SHMT1: variants seen among roughly 807,000 people sequenced by gnomAD.
SHMT1 encodes the protein serine hydroxymethyltransferase, cytosolic.
Under a neutral mutation model 49.0 loss-of-function variants are expected in SHMT1, and 45 were observed. That is an observed-to-expected ratio of 0.92 (90% CI 0.72 to 1.18). The LOEUF (loss-of-function observed/expected upper bound fraction) is 1.18, where lower values mean the gene tolerates loss of function less well. Among genes scored for constraint, SHMT1 ranks in the 50% most tolerant of loss-of-function variants. The probability of loss-of-function intolerance (pLI) is 0.00; values close to 1 mark genes in which losing one functional copy is unlikely to be tolerated. For synonymous variants in SHMT1, 232 were observed against 246.6 expected, an observed-to-expected ratio of 0.94 and a Z score of 0.55; for missense variants, 541 against 612.4, an observed-to-expected ratio of 0.88 and a Z score of 1.23.
In SHMT1 at chr17:18,355,923, T is replaced by C. The variant is rs771227585; in HGVS notation, c.59A>G (p.Lys20Arg). 2 of 1,614,018 alleles carry C rather than the reference T, an allele frequency of 1.2e-6. No individual in the cohort carries two copies. The highest frequency in any genetic ancestry group is 2.7e-5 in the African/African-American group (2 of 74,954). Residue 20 changes from lysine (K) to arginine (R), a missense_variant, in exon 2 of 12, where the codon AAG becomes AGG. Physicochemically the swap from Lys to Arg is conservative, Grantham distance 26. Transcript: ENST00000316694. ...GTCTTTGAGGGGTTGTGCCAGCATC[T>C]TGTCATGTGAGGACCACAGGTCAGC... The part of the protein sequence containing the change: ...KDADLWSSHD[K>R]MLAQPLKDSD...
intron 1 of SHMT1, among the ~76,000 whole-genome samples, chr17:18,361,827 T>C (rs1307392688): frequency 6.6e-6 from 1 of 152,036 alleles, no homozygotes; most frequent in Non-Finnish European, 1.5e-5. Flanking sequence ...AGGGACATCT[T>C]CATTAACATT....
chr17:18,351,501 G>C (rs1052607719), intron 3 of SHMT1, among the ~76,000 whole-genome samples: 3 of 149,456 alleles, frequency 2.0e-5, no homozygotes, highest in African/African-American at 7.4e-5. Context: ...GCTCACGCCT[G>C]TAATCCCAAC....
intron 3 of SHMT1, among the ~76,000 whole-genome samples, chr17:18,352,359 G>C (rs990071579): frequency 6.6e-6 from 1 of 151,982 alleles, no homozygotes; most frequent in Non-Finnish European, 1.5e-5. Flanking sequence ...TGTTAGCCAG[G>C]ATGGTCTCGA....
intron 10 of SHMT1, among the ~76,000 whole-genome samples, chr17:18,330,048 C>A (rs576599707): frequency 2.0e-5 from 3 of 151,900 alleles, no homozygotes; most frequent in African/African-American, 4.8e-5. Flanking sequence ...GGTTTCACCG[C>A]GTTAGCCTTC....
intron 1 of SHMT1, among the ~76,000 whole-genome samples, chr17:18,358,527 G>C (rs922299322): frequency 6.6e-6 from 1 of 152,116 alleles, no homozygotes; most frequent in African/African-American, 2.4e-5. Context: ...TGCACAGAAA[G>C]TTAGCCACAG....
chr17:18,329,238 A>G, intron 11 of SHMT1, 40 bp downstream of exon 11: 2 of 1,397,054 alleles, frequency 1.4e-6, no homozygotes, highest in South Asian at 2.3e-5. Context: ...AACTAAATAC[A>G]CACAATAAGA....
At chr17:18,348,707 G>A (rs1321164019) in intron 3 of SHMT1, 1 of 565,086 alleles carries the variant, frequency 1.8e-6, no homozygotes, top group Non-Finnish European at 3.4e-6. Context: ...GGGAGAGGTG[G>A]CTTATACCTA....
At chr17:18,355,278 G>C (rs1441446259) in intron 2 of SHMT1, among the ~76,000 whole-genome samples, 1 of 150,578 alleles carries the variant, frequency 6.6e-6, no homozygotes, top group African/African-American at 2.5e-5. Context: ...GCTGAGGCAG[G>C]AGAATGGCAT....
At chr17:18,343,831 G>C (rs1314557075) in intron 5 of SHMT1, among the ~76,000 whole-genome samples, 1 of 138,726 alleles carries the variant, frequency 7.2e-6, no homozygotes, top group East Asian at 2.2e-4. Flanking sequence ...GAAGAGGAAA[G>C]ATCGCTTGAG....
intron 4 of SHMT1, 36 bp from the exon 5 acceptor site, chr17:18,347,692 C>T: frequency 6.2e-7 from 1 of 1,613,562 alleles, no homozygotes; most frequent in African/African-American, 1.3e-5. Flanking sequence ...ATGATTATTT[C>T]TAACTGAGGT....
rs752127933 is a variant in SHMT1, at chr17:18,353,689, C to G, written c.225G>C (p.Glu75Asp). Residue 75 changes from glutamate (E) to aspartate (D), a missense_variant, in exon 3 of 12, where the codon GAG becomes GAC. Coordinates refer to ENST00000316694, the MANE Select transcript of SHMT1 (RefSeq NM_004169.5). Reference protein sequence around the residue: ...LGSCLNNKYSEGYPGQRYYGG... With the variant: ...LGSCLNNKYSDGYPGQRYYGG... The stretch of plus-strand genomic sequence containing the variant: ...TCACATACCTCTGGCCCGGGTACCC[C>G]TCAGAGTATTTGTTATTTAAGCAAG... 2.5e-6 allele frequency: 4 copies of G among 1,614,134 alleles called. No individual in the cohort carries two copies. The highest frequency in any genetic ancestry group is 3.4e-6 in the Non-Finnish European group (4 of 1,180,036).
intron 5 of SHMT1, among the ~76,000 whole-genome samples, chr17:18,343,304 A>T (rs1277825629): frequency 6.6e-6 from 1 of 151,966 alleles, no homozygotes; most frequent in Non-Finnish European, 1.5e-5. Flanking sequence ...TCATTTTATT[A>T]AACTTCTATA....
At chr17:18,349,568 A>G (rs958028170) in intron 3 of SHMT1, among the ~76,000 whole-genome samples, 1 of 152,020 alleles carries the variant, frequency 6.6e-6, no homozygotes, top group Admixed American at 6.6e-5. Flanking sequence ...AAATTTTACA[A>G]ATGAGCTAAG....
intron 5 of SHMT1, among the ~76,000 whole-genome samples, chr17:18,346,864 G>A (rs1598045343): frequency 6.6e-6 from 1 of 152,266 alleles, no homozygotes; most frequent in East Asian, 1.9e-4. Flanking sequence ...AAAGCAGAAT[G>A]GTCGTATGGG....
chr17:18,348,495 T>G lies in SHMT1; in HGVS notation c.243-55A>C, dbSNP rs28630807. On this transcript the variant is annotated intron_variant, in intron 3 of 11. Transcript: ENST00000316694. ...CACTCAGACCCAGAAAGTCTGTGCT[T>G]CACAGAGGCCAAAGAAGCTTAGGGG... is the stretch of plus-strand genomic sequence containing the variant. 13,593 of 1,286,052 alleles carry G rather than the reference T, an allele frequency of 0.011. 394 individuals are homozygous for G. The highest frequency in any genetic ancestry group is 0.098 in the African/African-American group (6,752 of 68,662). The allele number at this position is 1,286,052 out of a possible 1,614,324, so 79.7% of individuals were successfully genotyped here. A position where few individuals can be genotyped will look rare whatever the true frequency, so the allele number is the denominator to read the frequency against.
chr17:18,358,774 G>A (rs1222568070), intron 1 of SHMT1, among the ~76,000 whole-genome samples: 3 of 151,980 alleles, frequency 2.0e-5, no homozygotes, highest in Non-Finnish European at 2.9e-5. Flanking sequence ...GTGGTGGCAT[G>A]CATCTGTAGT....
chr17:18,331,925 A>G (rs963008968), intron 9 of SHMT1: 4 of 152,190 alleles, frequency 2.6e-5, no homozygotes, highest in Admixed American at 6.5e-5. Context: ...ATCAGAAGGA[A>G]AAAAAAGATA....
intron 3 of SHMT1, among the ~76,000 whole-genome samples, chr17:18,350,293 T>C (rs1567788119): frequency 1.3e-5 from 2 of 152,050 alleles, no homozygotes; most frequent in African/African-American, 4.8e-5. Context: ...ATCGTGCCAC[T>C]GCGCTCCAGC....
intron 7 of SHMT1, among the ~76,000 whole-genome samples, chr17:18,336,635 C>T (rs897700339): frequency 2.0e-5 from 3 of 151,580 alleles, no homozygotes; most frequent in East Asian, 3.9e-4. Flanking sequence ...CACTGCACTC[C>T]AGCCTGGGCG....
Sources: gnomAD v4.1 joint callset for allele counts (sites outside exome capture counted in the v4.1 genomes callset) on GRCh38, gnomAD v4.1.1 for gene constraint, MANE v1.5 for transcripts, NCBI Gene and HGNC (gene_info 2026-07-23, HGNC 2026-07-21) for gene names.